RPTOR: variants seen among roughly 807,000 people sequenced by gnomAD.
The protein encoded by RPTOR is regulatory associated protein of MTOR complex 1, also known as regulatory-associated protein of mTOR.
Under a neutral mutation model 169.9 loss-of-function variants are expected in RPTOR, and 21 were observed. The ratio of observed to expected loss-of-function variants is 0.12; its 90% CI spans 0.09 to 0.18. The LOEUF is 0.18. Among genes scored for constraint, RPTOR ranks in the 10% least tolerant of loss-of-function variants. The pLI is 1.00. For missense variants in RPTOR, 1,133 were observed against 1,855.9 expected (o/e 0.61, Z 7.16); for synonymous variants, 732 against 753.2 (o/e 0.97, Z 0.46).
chr17:80,697,410 T>C (rs1172076167), intron 3 of RPTOR, among the ~76,000 whole-genome samples: 1 of 152,252 alleles, frequency 6.6e-6, no homozygotes, highest in African/African-American at 2.4e-5. Context: ...TCTTTCAGCC[T>C]TCAGGCTGTT....
intron 6 of RPTOR, among the ~76,000 whole-genome samples, chr17:80,788,822 G>GT: frequency 6.6e-6 from 1 of 152,180 alleles, no homozygotes; most frequent in Non-Finnish European, 1.5e-5. Flanking sequence ...AGCTTTGTGG[G>GT]TTTTTTGAGC....
intron 13 of RPTOR, among the ~76,000 whole-genome samples, chr17:80,875,289 G>A (rs900131914): frequency 9.8e-5 from 15 of 152,288 alleles, no homozygotes; most frequent in African/African-American, 3.6e-4. Flanking sequence ...CCCCATTGTC[G>A]TGTCTGCTTG....
intron 24 of RPTOR, among the ~76,000 whole-genome samples, chr17:80,935,434 C>T (rs973235467): frequency 6.6e-6 from 1 of 152,172 alleles, no homozygotes; most frequent in African/African-American, 2.4e-5. Context: ...AGAAGCCTCA[C>T]ACTATCTTAT....
intron 13 of RPTOR, among the ~76,000 whole-genome samples, chr17:80,869,312 A>G (rs1177048235): frequency 1.3e-5 from 2 of 152,070 alleles, no homozygotes; most frequent in Non-Finnish European, 2.9e-5. Flanking sequence ...GACGCCTGCC[A>G]CCATGCCTGG....
intron 1 of RPTOR, among the ~76,000 whole-genome samples, chr17:80,603,726 G>A (rs948779841): frequency 2.0e-5 from 3 of 152,180 alleles, no homozygotes; most frequent in Admixed American, 2.0e-4. Context: ...CTCACAGGAG[G>A]GGCTAATTTC....
chr17:80,907,281 A>C (rs1447798701), intron 20 of RPTOR, among the ~76,000 whole-genome samples: 1 of 152,276 alleles, frequency 6.6e-6, no homozygotes, highest in Admixed American at 6.5e-5. Flanking sequence ...TAGCTTCCCC[A>C]AAAATAAAGA....
chr17:80,884,046 G>T, intron 16 of RPTOR, 74 bp downstream of exon 16: 1 of 1,480,684 alleles, frequency 6.8e-7, no homozygotes, highest in Non-Finnish European at 9.1e-7. Context: ...GTCTGCTCGC[G>T]TGCGGGTGTG....
rs1308845640 is a variant in RPTOR at position 80,922,776 on chromosome 17, A to G, written c.2573A>G (p.Gln858Arg). The stretch of plus-strand genomic sequence containing the variant: ...GTCCTGGACACCTCCTCCCTCACGC[A>G]GTCGGCCCCCGCCAGCCCCACCAAC... ...QRVLDTSSLT[Q>R]SAPASPTNKG... The change falls in exon 22 of 34, where the codon CAG becomes CGG. Residue 858 changes from glutamine to arginine, a missense_variant. This residue lies in a region of RPTOR where 123 missense variants were observed against 129.0 expected (regional missense o/e 0.95). Transcript: ENST00000306801. 4 of 1,581,782 alleles carry G rather than the reference A, an allele frequency of 2.5e-6. No individual in the cohort carries two copies. Among genetic ancestry groups the G allele is most frequent in the East Asian group, 4.7e-5 (2 of 42,768 alleles).
chr17:80,685,169 C>G (rs2065928397), intron 3 of RPTOR, among the ~76,000 whole-genome samples: 1 of 151,960 alleles, frequency 6.6e-6, no homozygotes, highest in Non-Finnish European at 1.5e-5. Flanking sequence ...AGGGTCGCAC[C>G]TCATTCGGAG....
intron 20 of RPTOR, among the ~76,000 whole-genome samples, chr17:80,901,130 AAAC>A (rs2068471268): frequency 1.3e-5 from 2 of 151,824 alleles, no homozygotes; most frequent in African/African-American, 4.8e-5. Context: ...CTCCTGTGTG[AAAC>A]TTAGCTCTTG....
At chr17:80,929,025 C>A (rs539133444) in intron 24 of RPTOR, among the ~76,000 whole-genome samples, 22 of 152,318 alleles carry the variant, frequency 1.4e-4, no homozygotes, top group Non-Finnish European at 2.9e-5. Flanking sequence ...TTCTTAAAAA[C>A]CACTAATATA....
chr17:80,868,474 A>G (rs544463343), intron 13 of RPTOR, among the ~76,000 whole-genome samples: 1 of 152,344 alleles, frequency 6.6e-6, no homozygotes, highest in African/African-American at 2.4e-5. Context: ...AGCTGCTGTT[A>G]TCAAGTGTCG....
intron 2 of RPTOR, among the ~76,000 whole-genome samples, chr17:80,642,595 A>G (rs942019250): frequency 8.5e-5 from 13 of 152,202 alleles, no homozygotes; most frequent in African/African-American, 3.1e-4. Flanking sequence ...TCTATGGGTA[A>G]AAAATCCACT....
intron 1 of RPTOR, among the ~76,000 whole-genome samples, chr17:80,563,144 C>A (rs79939826): frequency 0.022 from 3,274 of 152,244 alleles, 131 homozygotes; most frequent in African/African-American, 0.075. Flanking sequence ...CCTTTTACTT[C>A]GTACACACAG....
At chr17:80,563,951 C>G (rs1181561041) in intron 1 of RPTOR, among the ~76,000 whole-genome samples, 1 of 152,228 alleles carries the variant, frequency 6.6e-6, no homozygotes, top group Non-Finnish European at 1.5e-5. Flanking sequence ...GCTCTAGTAG[C>G]CATGCTCATT....
At position 80,960,817 on chromosome 17, in the gene RPTOR, C is replaced by CG. The variant is rs1221681629; in HGVS notation, c.3606-574dup. The CG allele has an allele frequency of 3.3e-5, 5 of 152,614 alleles. No homozygotes were observed. Among genetic ancestry groups the CG allele is most frequent in the Non-Finnish European group, 7.2e-5 (5 of 69,012 alleles). 9.5% of individuals were successfully genotyped at this position (152,614 alleles called of 1,614,324 possible). Reference sequence around the variant, plus strand: ...GGCACACGCGTGGGCACAGCAGCCCCGGGCACTGCCTCTGCTGAGCACCCC... The same window carrying CG: ...GGCACACGCGTGGGCACAGCAGCCCCGGGGCACTGCCTCTGCTGAGCACCCC... On this transcript the variant is annotated intron_variant, in intron 30 of 33. Transcript: ENST00000306801. This position sits in a 1 kb window ranked among gnomAD's most constrained non-coding sequence, Gnocchi z 4.8.
intron 25 of RPTOR, among the ~76,000 whole-genome samples, chr17:80,943,828 G>C (rs1009928197): frequency 6.6e-6 from 1 of 151,806 alleles, no homozygotes; most frequent in South Asian, 2.1e-4. Context: ...GACACGGTTA[G>C]TAAGAGCCAG....
chr17:80,866,238 A>G (rs11651493), intron 13 of RPTOR, among the ~76,000 whole-genome samples: 61,623 of 150,432 alleles, frequency 0.41, 13,171 homozygotes, highest in Non-Finnish European at 0.48. Context: ...AATACATTAT[A>G]TAAACATGTA....
At chr17:80,888,961 GGGCACAAGA>G (rs945539327) in intron 17 of RPTOR, among the ~76,000 whole-genome samples, 9 of 152,216 alleles carry the variant, frequency 5.9e-5, no homozygotes, top group African/African-American at 2.2e-4. Flanking sequence ...CAGAGGGCGT[GGGCACAAGA>G]GGCCAGGAGG....
Sources: gnomAD v4.1 joint callset for allele counts (sites outside exome capture counted in the v4.1 genomes callset) on GRCh38, gnomAD v4.1.1 for gene constraint, gnomAD v4.1.1 regional missense constraint, Gnocchi (gnomAD v3.1) non-coding constraint, MANE v1.5 for transcripts, NCBI Gene and HGNC (gene_info 2026-07-23, HGNC 2026-07-21) for gene names.